The following ASTN2 variants were observed in gnomAD, a reference collection of about 807,000 sequenced individuals.
ASTN2 encodes astrotactin-2.
Under a neutral mutation model 139.8 loss-of-function variants are expected in ASTN2, and 54 were observed. That is an observed-to-expected ratio of 0.39 (90% CI 0.31 to 0.48). The LOEUF (loss-of-function observed/expected upper bound fraction) is 0.48. Among genes scored for constraint, ASTN2 ranks in the 20% least tolerant of loss-of-function variants. ASTN2 has a pLI of 0.95. For synonymous variants in ASTN2, 756 were observed against 719.5 expected (o/e 1.05, Z -0.81); for missense variants, 1,565 against 1,725.1 (o/e 0.91, Z 1.64).
chr9:117,073,509 G>T (rs1407506888), intron 5 of ASTN2, among the ~76,000 whole-genome samples: 1 of 152,156 alleles, frequency 6.6e-6, no homozygotes, highest in Non-Finnish European at 1.5e-5. Context: ...TATCACAATG[G>T]ACGGCTAATC....
chr9:116,671,546 A>C (rs904512761), intron 16 of ASTN2, among the ~76,000 whole-genome samples: 1 of 152,156 alleles, frequency 6.6e-6, no homozygotes, highest in Non-Finnish European at 1.5e-5. Flanking sequence ...GGCCTTCAAC[A>C]ATCCCCCCTC....
chr9:117,116,710 C>A (rs1217519462), intron 4 of ASTN2, among the ~76,000 whole-genome samples: 1 of 151,278 alleles, frequency 6.6e-6, no homozygotes, highest in Non-Finnish European at 1.5e-5. Context: ...TGGGAATGTG[C>A]CTGCCTCCAT....
At chr9:116,505,174 C>T (rs541806988) in intron 19 of ASTN2, among the ~76,000 whole-genome samples, 17 of 151,702 alleles carry the variant, frequency 1.1e-4, no homozygotes, top group Non-Finnish European at 2.2e-4. Flanking sequence ...TATGGGGCAT[C>T]AATATCTCTG....
intron 2 of ASTN2, among the ~76,000 whole-genome samples, chr9:117,288,352 C>T (rs895703406): frequency 5.3e-5 from 8 of 152,186 alleles, no homozygotes; most frequent in Non-Finnish European, 1.0e-4. Context: ...GGTTTCCCTG[C>T]ATGGGTGAGC....
chr9:117,060,895 A>G (rs1161342721), intron 5 of ASTN2, among the ~76,000 whole-genome samples: 2 of 152,176 alleles, frequency 1.3e-5, no homozygotes, highest in Non-Finnish European at 2.9e-5. Flanking sequence ...AGTCCGTCAA[A>G]AAGAAAGGGA....
At position 116,781,441 on chromosome 9, in the gene ASTN2, C is replaced by T. The variant is rs146916778; in HGVS notation, c.2396+24191G>A. 2.1e-4 allele frequency among the ~76,000 whole-genome samples: 32 copies of T among 152,166 alleles called. 2 individuals are homozygous for T. In the East Asian group the frequency reaches 5.6e-3, roughly 27 times the overall value. On this transcript the variant is annotated intron_variant, in intron 13 of 22. Coordinates refer to ENST00000313400, the MANE Select transcript of ASTN2 (RefSeq NM_001365068.1). ...GTTCTTAAAGCAGACAGGAAATTGGCCCTAGAAAACTCAGACCTGGGGGGC... is the reference window on the plus strand; with the variant it reads ...GTTCTTAAAGCAGACAGGAAATTGGTCCTAGAAAACTCAGACCTGGGGGGC...
At chr9:117,281,207 C>T (rs552207749) in intron 2 of ASTN2, among the ~76,000 whole-genome samples, 3 of 152,154 alleles carry the variant, frequency 2.0e-5, no homozygotes, top group Non-Finnish European at 4.4e-5. Flanking sequence ...GCTTCATGAG[C>T]CTTTTATCAC....
intron 12 of ASTN2, among the ~76,000 whole-genome samples, chr9:116,814,626 T>G (rs1831259651): frequency 6.6e-6 from 1 of 152,122 alleles, no homozygotes; most frequent in African/African-American, 2.4e-5. Flanking sequence ...TTCAGAAATG[T>G]TAAAATGTGG....
chr9:117,187,455 G>T (rs1429383873), intron 3 of ASTN2, among the ~76,000 whole-genome samples: 3 of 152,168 alleles, frequency 2.0e-5, no homozygotes, highest in Non-Finnish European at 4.4e-5. Context: ...AACCCCCAAT[G>T]TAATAGTATT....
intron 1 of ASTN2, among the ~76,000 whole-genome samples, chr9:117,293,435 A>T (rs1834645781): frequency 7.8e-6 from 1 of 127,546 alleles, no homozygotes; most frequent in Admixed American, 8.3e-5. Context: ...CAAAGTGGTG[A>T]GAACATAGTA....
chr9:116,801,367 G>A (rs903274441), intron 13 of ASTN2, among the ~76,000 whole-genome samples: 13 of 151,918 alleles, frequency 8.6e-5, no homozygotes, highest in African/African-American at 3.1e-4. Context: ...TGGATCGCGA[G>A]GTCAGGAGTT....
rs1156962863 is a variant in ASTN2, at chr9:116,847,013, AAAAAAAAAAAAAAC to A, written c.2040+16556_2040+16569del. On this transcript the variant is annotated intron_variant, in intron 11 of 22. Coordinates refer to ENST00000313400, the MANE Select transcript of ASTN2 (RefSeq NM_001365068.1). ...AAAGCCTTAGCTTCATTCTCAAAAA[AAAAAAAAAAAAAAC>A]AAAAAACAAAAAACAAAAAACAAAA... Among the ~76,000 whole-genome samples, 167 of 134,872 alleles carry A rather than the reference AAAAAAAAAAAAAAC, an allele frequency of 1.2e-3. 1 individual carries two copies. The highest frequency in any genetic ancestry group is 4.5e-3 in the African/African-American group (151 of 33,800). 88.5% of individuals were successfully genotyped at this position (134,872 alleles called of 152,430 possible). A position where few individuals can be genotyped will look rare whatever the true frequency, so the allele number is the denominator to read the frequency against.
intron 11 of ASTN2, among the ~76,000 whole-genome samples, chr9:116,835,569 T>A (rs993295415): frequency 3.9e-5 from 6 of 152,176 alleles, no homozygotes. Flanking sequence ...ACAATCTTTA[T>A]CTTAACCAGA....
intron 5 of ASTN2, among the ~76,000 whole-genome samples, chr9:117,072,000 G>A (rs1319129106): frequency 4.6e-5 from 7 of 152,152 alleles, no homozygotes; most frequent in South Asian, 2.1e-4. Context: ...AGCTGAGACC[G>A]GAGCTGTTCC....
At chr9:117,322,133 T>C (rs1282907507) in intron 1 of ASTN2, among the ~76,000 whole-genome samples, 1 of 146,442 alleles carries the variant, frequency 6.8e-6, no homozygotes, top group Admixed American at 6.8e-5. Flanking sequence ...GGATCACTTC[T>C]TTGCAAAGCT....
chr9:117,215,143 A>T (rs1275720573), intron 2 of ASTN2, among the ~76,000 whole-genome samples: 1 of 152,082 alleles, frequency 6.6e-6, no homozygotes, highest in East Asian at 1.9e-4. Flanking sequence ...TCTAGACTCC[A>T]TCTCCCACCA....
chr9:117,136,905 C>A (rs2132849569), intron 4 of ASTN2, among the ~76,000 whole-genome samples: 1 of 152,296 alleles, frequency 6.6e-6, no homozygotes, highest in Admixed American at 6.5e-5. Context: ...GAAGGGAAAA[C>A]AGAGCTCTTA....
intron 3 of ASTN2, among the ~76,000 whole-genome samples, chr9:117,211,819 C>T (rs1001963388): frequency 5.9e-5 from 9 of 152,036 alleles, no homozygotes; most frequent in African/African-American, 9.6e-5. Context: ...TAAAACAATA[C>T]AATAAAATAC....
At chr9:117,093,856 A>C (rs1342471748) in intron 5 of ASTN2, among the ~76,000 whole-genome samples, 4 of 152,192 alleles carry the variant, frequency 2.6e-5, no homozygotes, top group Admixed American at 2.6e-4. Flanking sequence ...CAAAAAGCGT[A>C]GGGTAATTCA....
Sources: gnomAD v4.1 joint callset for allele counts (sites outside exome capture counted in the v4.1 genomes callset) on GRCh38, gnomAD v4.1.1 for gene constraint, MANE v1.5 for transcripts, NCBI Gene and HGNC (gene_info 2026-07-23, HGNC 2026-07-21) for gene names.